Variants in ERVFRD-1 observed in about 807,000 individuals in gnomAD.
ERVFRD-1 encodes the protein syncytin-2.
ERVFRD-1 carries 33 observed loss-of-function variants against 43.8 expected under a neutral mutation model. The ratio of observed to expected loss-of-function variants is 0.75; its 90% CI spans 0.57 to 1.01. The LOEUF is 1.01. Ranked by LOEUF, ERVFRD-1 falls within the 50% of genes least tolerant of loss-of-function variation. The pLI, the probability that ERVFRD-1 is intolerant of heterozygous loss-of-function variation, is 0.00. For synonymous variants in ERVFRD-1, 239 were observed against 244.4 expected, an observed-to-expected ratio of 0.98 and a Z score of 0.21; for missense variants, 568 against 658.4, an observed-to-expected ratio of 0.86 and a Z score of 1.50.
chr6:11,110,648 T>C (rs1335191956), intron 1 of ERVFRD-1, among the ~76,000 whole-genome samples: 1 of 152,086 alleles, frequency 6.6e-6, no homozygotes, highest in African/African-American at 2.4e-5. Context: ...CTTAACGAGG[T>C]AGAACAATCC....
intron 1 of ERVFRD-1, among the ~76,000 whole-genome samples, chr6:11,108,995 A>G (rs1758130872): frequency 6.6e-6 from 1 of 152,192 alleles, no homozygotes; most frequent in South Asian, 2.1e-4. Flanking sequence ...CTTCTATCAG[A>G]TAGAGGAACA....
chr6:11,105,082 G>A lies in ERVFRD-1; in HGVS notation c.229C>T (p.Arg77Ter), dbSNP rs200815152. Reference protein sequence around the residue: ...SIEAELHISYRWDPNLKGLMR... With the variant: ...SIEAELHISY ...AGTCCTTTCAGATTAGGGTCCCATC[G>A]ATAGGAAATATGTAATTCCGCCTCT... Residue 77 changes from arginine to a stop codon, truncating the protein, a stop_gained, in exon 2 of 2, where the codon CGA becomes TGA. Coordinates refer to ENST00000472091, the MANE Select transcript of ERVFRD-1 (RefSeq NM_207582.3). LOFTEE classifies it high-confidence loss of function. 11 of 1,614,052 alleles carry A rather than the reference G, an allele frequency of 6.8e-6. No individual in the cohort carries two copies. The South Asian group carries it at 7.7e-5, about 11-fold the overall frequency.
chr6:11,107,386 A>G (rs1300293832), intron 1 of ERVFRD-1, among the ~76,000 whole-genome samples: 1 of 152,146 alleles, frequency 6.6e-6, no homozygotes, highest in East Asian at 1.9e-4. Flanking sequence ...TTGGATTCCC[A>G]GTTCTCTTGT....
chr6:11,106,578 A>G (rs1247636300), intron 1 of ERVFRD-1, among the ~76,000 whole-genome samples: 2 of 152,144 alleles, frequency 1.3e-5, no homozygotes, highest in Admixed American at 6.5e-5. Flanking sequence ...CTCCCAACCT[A>G]TATCATCCAT....
rs1561753020 is a variant in ERVFRD-1, at chr6:11,105,014, A to G, written c.297T>C (p.Asp99=). ...ANSLLSTVKQ[D]FPDIRQKPPI... is the part of the protein sequence containing the mutation. ...GAGGTTTCTGGCGGATATCAGGGAAATCTTGCTTTACTGTTGAAAGAAGAC... is the reference window on the plus strand; with the variant it reads ...GAGGTTTCTGGCGGATATCAGGGAAGTCTTGCTTTACTGTTGAAAGAAGAC... The change falls in exon 2 of 2, where the codon GAT becomes GAC. Residue 99 remains aspartate (D), a synonymous_variant. Transcript: ENST00000472091. 2 of 1,614,188 alleles carry G rather than the reference A, an allele frequency of 1.2e-6. No homozygotes were observed. The highest frequency in any genetic ancestry group is 1.7e-5 in the Admixed American group (1 of 60,016).
chr6:11,107,541 C>T (rs76910538), intron 1 of ERVFRD-1, among the ~76,000 whole-genome samples: 23,793 of 152,182 alleles, frequency 0.16, 2,485 homozygotes, highest in South Asian at 0.33. Flanking sequence ...TGCAGGTGAG[C>T]TGTTGACTCC....
intron 1 of ERVFRD-1, among the ~76,000 whole-genome samples, chr6:11,107,874 A>G (rs1758110244): frequency 6.6e-6 from 1 of 152,246 alleles, no homozygotes. Flanking sequence ...GCTGAAGAGG[A>G]AACTGCCTTC....
chr6:11,103,895 A>G lies in ERVFRD-1; in HGVS notation c.1416T>C (p.Asn472=). 1.3e-6 allele frequency: 2 copies of G among 1,551,706 alleles called. No homozygotes were observed. The highest frequency in any genetic ancestry group is 8.7e-7 in the Non-Finnish European group (1 of 1,146,994). Residue 472 remains asparagine (N), a synonymous_variant, in exon 2 of 2, where the codon AAT becomes AAC. Transcript: ENST00000472091. ...LRERATQGWL[N]WEGTWKWFSW... is the part of the protein sequence containing the mutation. ...AGAACCATTTCCAAGTTCCTTCCCA[A>G]TTTAACCAACCCTGAGTGGCTCGTT...
intron 1 of ERVFRD-1, among the ~76,000 whole-genome samples, chr6:11,107,491 G>C (rs954336283): frequency 6.6e-6 from 1 of 152,194 alleles, no homozygotes; most frequent in Non-Finnish European, 1.5e-5. Flanking sequence ...GGCTTGCCCA[G>C]ACCAATGGGG....
rs748546197 is a variant in ERVFRD-1 at position 11,104,631 on chromosome 6, C to G, written c.680G>C (p.Trp227Ser). The G allele has an allele frequency of 1.7e-5, 27 of 1,614,084 alleles. No individual in the cohort carries two copies. Among genetic ancestry groups the G allele is most frequent in the Non-Finnish European group, 2.0e-5 (24 of 1,180,046 alleles). ...ATTTCGAGTTTGGTCCAATAGAACC[C>G]ATTCCGCTGTAGAGCTGAGGTTGGA... is the stretch of plus-strand genomic sequence containing the variant. ...QISNLSSTAEWVLLDQTRNSL... is the reference protein window; with the variant it reads ...QISNLSSTAESVLLDQTRNSL... The change falls in exon 2 of 2, where the codon TGG (tryptophan) becomes TCG (serine). Residue 227 changes from tryptophan (W) to serine (S), a missense_variant. Coordinates refer to ENST00000472091, the MANE Select transcript of ERVFRD-1 (RefSeq NM_207582.3).
At position 11,102,908 on chromosome 6, in the gene ERVFRD-1, G is replaced by A. The variant is rs1385741742; in HGVS notation, c.*786C>T. ...AGTTTTAGAGCAAGAACAAAAGGAAGCAAAGTGCACTTGAAGAGAGCCAAG... is the reference window on the plus strand; with the variant it reads ...AGTTTTAGAGCAAGAACAAAAGGAAACAAAGTGCACTTGAAGAGAGCCAAG... On this transcript the variant is annotated 3_prime_UTR_variant, in exon 2 of 2. Coordinates refer to ENST00000472091, the MANE Select transcript of ERVFRD-1 (RefSeq NM_207582.3). 6.6e-6 allele frequency: 1 copy of A among 152,218 alleles called. No individual in the cohort carries two copies. Among genetic ancestry groups the A allele is most frequent in the African/African-American group, 2.4e-5 (1 of 41,448 alleles). The allele number at this position is 152,218 out of a possible 1,614,324, so 9.4% of individuals were successfully genotyped here.
At chr6:11,106,148 A>G (rs933224432) in intron 1 of ERVFRD-1, among the ~76,000 whole-genome samples, 6 of 152,200 alleles carry the variant, frequency 3.9e-5, no homozygotes, top group Non-Finnish European at 5.9e-5. Context: ...TCATTCTGCA[A>G]TGACCTGGGT....
Position 11,104,599 on chromosome 6 carries a change from AAAG to A in ERVFRD-1, c.709_711del (p.Leu237del). On this transcript the variant is annotated inframe_deletion, in exon 2 of 2. Transcript: ENST00000472091. ...GCTCCCTTGGTTTTATTTTCCCAAA[AAAG>A]AGAATTTCGAGTTTGGTCCAATAGA... 1 of 1,614,106 alleles carries A rather than the reference AAAG, an allele frequency of 6.2e-7. No individual in the cohort carries two copies. Among genetic ancestry groups the A allele is most frequent in the Non-Finnish European group, 8.5e-7 (1 of 1,179,996 alleles).
rs1758016101 is a variant in ERVFRD-1 at position 11,102,856 on chromosome 6, CA to C, written c.*837del. On this transcript the variant is annotated 3_prime_UTR_variant, in exon 2 of 2. Transcript: ENST00000472091. The stretch of plus-strand genomic sequence containing the variant: ...GGAGGCGTAAGGTAGCATGATAGTC[CA>C]AGGCAAGTTTTATAGCAGGAGTAAA... The C allele has an allele frequency of 1.3e-5, 2 of 152,096 alleles. No homozygotes were observed. The highest frequency in any genetic ancestry group is 4.8e-5 in the African/African-American group (2 of 41,384). The allele number at this position is 152,096 out of a possible 1,614,324, so 9.4% of individuals were successfully genotyped here.
At position 11,105,379 on chromosome 6, in the gene ERVFRD-1, T is replaced by C; in HGVS notation, c.-69A>G. 3 of 1,187,698 alleles carry C rather than the reference T, an allele frequency of 2.5e-6. No homozygotes were observed. Among genetic ancestry groups the C allele is most frequent in the Non-Finnish European group, 3.6e-6 (3 of 837,410 alleles). The allele number at this position is 1,187,698 out of a possible 1,614,324, so 73.6% of individuals were successfully genotyped here. On this transcript the variant is annotated 5_prime_UTR_variant, in exon 2 of 2. Transcript: ENST00000472091. ...ACTCCTGGTGGTGTACAAGTTAGGG[T>C]TAAAATAGTGATAACAATCAGAGCA...
At chr6:11,108,318 A>G (rs1188222568) in intron 1 of ERVFRD-1, among the ~76,000 whole-genome samples, 2 of 152,218 alleles carry the variant, frequency 1.3e-5, no homozygotes, top group Non-Finnish European at 2.9e-5. Context: ...GGGCACATCC[A>G]AGGCAGCCCT....
In ERVFRD-1 at chr6:11,108,212, G is replaced by A. The variant is rs867479398; in HGVS notation, c.-320-2582C>T. 2.0e-5 allele frequency among the ~76,000 whole-genome samples: 3 copies of A among 152,208 alleles called. No individual in the cohort carries two copies. In the South Asian group the frequency reaches 6.2e-4, roughly 31 times the overall value. ...GGAGGAGTAAACCTCCAGGTTACGG[G>A]CACTTCATATCCTCCCAGGAGGATA... On this transcript the variant is annotated intron_variant, in intron 1 of 1. Coordinates refer to ENST00000472091, the MANE Select transcript of ERVFRD-1 (RefSeq NM_207582.3).
At position 11,103,958 on chromosome 6, in the gene ERVFRD-1, G is replaced by A. The variant is rs73445455; in HGVS notation, c.1353C>T (p.Asn451=). ...WVNQSGKVQD[N]IRQLLNQASS... Reference sequence around the variant, plus strand: ...AGGCTTGATTTAGGAGTTGTCTGATGTTGTCTTGTACTTTTCCTGATTGAT... The same window carrying A: ...AGGCTTGATTTAGGAGTTGTCTGATATTGTCTTGTACTTTTCCTGATTGAT... The change falls in exon 2 of 2, where the codon AAC becomes AAT. Residue 451 remains asparagine, a synonymous_variant. Coordinates refer to ENST00000472091, the MANE Select transcript of ERVFRD-1 (RefSeq NM_207582.3). 6.4e-6 allele frequency: 10 copies of A among 1,551,650 alleles called. No homozygotes were observed. In the African/African-American group the frequency reaches 1.2e-4, roughly 19 times the overall value.
chr6:11,110,116 C>G (rs1758146187), intron 1 of ERVFRD-1, among the ~76,000 whole-genome samples: 1 of 152,186 alleles, frequency 6.6e-6, no homozygotes, highest in African/African-American at 2.4e-5. Flanking sequence ...GGCATCTCCC[C>G]TTGTTCTCTT....
Sources: allele counts gnomAD v4.1 joint callset (sites outside exome capture counted in the v4.1 genomes callset), GRCh38; gene constraint gnomAD v4.1.1; transcripts MANE v1.5; gene names NCBI Gene and HGNC (gene_info 2026-07-23, HGNC 2026-07-21).